LRRC36: variants seen among roughly 807,000 people sequenced by gnomAD.
LRRC36 encodes leucine-rich repeat-containing protein 36.
In LRRC36, 62 loss-of-function variants were observed where a neutral mutation model predicts 81.1. The observed-to-expected ratio is 0.76, with a 90% CI of 0.62 to 0.94. LRRC36 has a LOEUF of 0.94. Among genes scored for constraint, LRRC36 ranks in the 40% least tolerant of loss-of-function variants. LRRC36 has a pLI of 0.00. For missense variants in LRRC36, 761 were observed against 881.7 expected (o/e 0.86, Z 1.73); for synonymous variants, 334 against 348.6 (o/e 0.96, Z 0.47).
chr16:67,353,260 T>C (rs2038740871), intron 5 of LRRC36, among the ~76,000 whole-genome samples: 1 of 152,220 alleles, frequency 6.6e-6, no homozygotes, highest in Non-Finnish European at 1.5e-5. Context: ...CCCATTACCC[T>C]GGCCCAGAAT....
intron 5 of LRRC36, among the ~76,000 whole-genome samples, chr16:67,358,222 C>T (rs1447112755): frequency 1.3e-5 from 2 of 149,266 alleles, no homozygotes; most frequent in East Asian, 3.9e-4. Flanking sequence ...AAAAAACAAC[C>T]AAAAGACTTC....
chr16:67,347,440 A>G, intron 3 of LRRC36, 55 bp from the exon 4 acceptor site: 4 of 1,606,808 alleles, frequency 2.5e-6, no homozygotes, highest in Non-Finnish European at 3.4e-6. Flanking sequence ...ATTAACTACT[A>G]GTTATGTCTA....
intron 1 of LRRC36, among the ~76,000 whole-genome samples, chr16:67,330,998 G>A (rs2037455708): frequency 6.6e-6 from 1 of 151,458 alleles, no homozygotes; most frequent in African/African-American, 2.4e-5. Flanking sequence ...CCAAGAGCAT[G>A]GTGCCAACAT....
At chr16:67,338,736 G>A (rs1273018338) in intron 1 of LRRC36, among the ~76,000 whole-genome samples, 2 of 151,846 alleles carry the variant, frequency 1.3e-5, no homozygotes, top group East Asian at 1.9e-4. Context: ...ATTATATAAT[G>A]TTTAAAAATC....
chr16:67,336,094 T>C (rs982680565), intron 1 of LRRC36, among the ~76,000 whole-genome samples: 3 of 152,240 alleles, frequency 2.0e-5, no homozygotes, highest in Non-Finnish European at 2.9e-5. Flanking sequence ...TCATATAGTA[T>C]GTAACCTTTC....
At chr16:67,375,488 A>C in intron 10 of LRRC36, 76 bp downstream of exon 10, 1 of 1,286,058 alleles carries the variant, frequency 7.8e-7, no homozygotes, top group South Asian at 1.6e-5. Flanking sequence ...AAAGCCACTT[A>C]GCTCTCTTCA....
At chr16:67,372,112 CT>C (rs1183555032) in intron 9 of LRRC36, 3 of 152,010 alleles carry the variant, frequency 2.0e-5, no homozygotes. Flanking sequence ...AATTCCACCA[CT>C]TTGGGAGGCC....
At chr16:67,364,659 T>C (rs1324372135) in intron 6 of LRRC36, among the ~76,000 whole-genome samples, 1 of 152,198 alleles carries the variant, frequency 6.6e-6, no homozygotes, top group Non-Finnish European at 1.5e-5. Flanking sequence ...CAAAGAGTAT[T>C]GCAATCTCCA....
Position 67,345,683 on chromosome 16 carries a change from T to G in LRRC36, c.199-573T>G, listed in dbSNP as rs1236272400. ...TGGTCCAGGAGTGAGGACTTGGAGA[T>G]AGCATTGTTTTGTTTCCCTAAATAG... is the stretch of plus-strand genomic sequence containing the variant. On this transcript the variant is annotated intron_variant, in intron 2 of 13. Coordinates refer to ENST00000329956, the MANE Select transcript of LRRC36 (RefSeq NM_018296.6). Among the ~76,000 whole-genome samples the G allele has an allele frequency of 2.0e-5, 3 of 152,032 alleles. No individual in the cohort carries two copies. In the East Asian group the frequency reaches 5.8e-4, roughly 29 times the overall value.
chr16:67,365,266 T>G, intron 6 of LRRC36, 38 bp from the exon 7 acceptor site: 1 of 1,449,688 alleles, frequency 6.9e-7, no homozygotes, highest in Non-Finnish European at 9.7e-7. Flanking sequence ...TGAACGCGCA[T>G]GGACTTCCTT....
chr16:67,371,712 A>C, intron 9 of LRRC36: 2 of 202,218 alleles, frequency 9.9e-6, no homozygotes, highest in Non-Finnish European at 2.1e-5. Flanking sequence ...CTCTACTGAA[A>C]ATACAAAAAT....
chr16:67,366,837 T>C (rs751195132), intron 7 of LRRC36, among the ~76,000 whole-genome samples, 180 bp from the exon 8 acceptor site: 7 of 152,144 alleles, frequency 4.6e-5, no homozygotes, highest in Non-Finnish European at 5.9e-5. Flanking sequence ...TTGGTGGTGG[T>C]GGTGTTCCAT....
intron 2 of LRRC36, among the ~76,000 whole-genome samples, chr16:67,343,592 G>A (rs903279165): frequency 1.3e-5 from 2 of 151,680 alleles, no homozygotes; most frequent in African/African-American, 4.8e-5. Context: ...CTACTTGGGA[G>A]GCTGAAGGAG....
chr16:67,370,805 T>G, intron 8 of LRRC36, 139 bp from the exon 9 acceptor site: 2 of 680,914 alleles, frequency 2.9e-6, no homozygotes, highest in East Asian at 2.5e-5. Context: ...TTAACCAGAG[T>G]TGGAGTTTTG....
chr16:67,338,431 C>T (rs184751184), intron 1 of LRRC36, among the ~76,000 whole-genome samples: 77 of 152,144 alleles, frequency 5.1e-4, no homozygotes, highest in African/African-American at 1.8e-3. Flanking sequence ...TGGCCTCATA[C>T]AGAAATGTAA....
Position 67,342,052 on chromosome 16 carries a change from G to T in LRRC36, c.166G>T (p.Asp56Tyr). Reference sequence around the variant, plus strand: ...AAATTTTAAAAATCTCCGATCCTTAGATTTATCAAGGAATTTGATCACTAG... The same window carrying T: ...AAATTTTAAAAATCTCCGATCCTTATATTTATCAAGGAATTTGATCACTAG... ...FRNFKNLRSL[D>Y]LSRNLITSLK... The change falls in exon 2 of 14, where the codon GAT becomes TAT. Residue 56 changes from aspartate (D) to tyrosine (Y), a missense_variant. Physicochemically the swap from Asp to Tyr is radical, Grantham distance 160. This residue lies in a region of LRRC36 where 263 missense variants were observed against 279.3 expected (regional missense o/e 0.94). Coordinates refer to ENST00000329956, the MANE Select transcript of LRRC36 (RefSeq NM_018296.6). The T allele has an allele frequency of 6.2e-7, 1 of 1,609,930 alleles. No homozygotes were observed. The highest frequency in any genetic ancestry group is 8.5e-7 in the Non-Finnish European group (1 of 1,177,004).
chr16:67,367,314 C>G lies in LRRC36; in HGVS notation c.1052C>G (p.Pro351Arg). 1 of 1,614,086 alleles carries G rather than the reference C, an allele frequency of 6.2e-7. No individual in the cohort carries two copies. The highest frequency in any genetic ancestry group is 8.5e-7 in the Non-Finnish European group (1 of 1,180,014). Residue 351 changes from proline to arginine, a missense_variant, in exon 8 of 14, where the codon CCT (proline) becomes CGT (arginine). Pro to Arg is a moderately radical substitution (Grantham distance 103). Coordinates refer to ENST00000329956, the MANE Select transcript of LRRC36 (RefSeq NM_018296.6). ...CTGCATGGAAGTCTTGGTAAAAGGC[C>G]TCAGAGAAGCAAGAACTATCAAGAG... ...LSLHGSLGKR[P>R]QRSKNYQEYS...
At chr16:67,378,429 G>A (rs1307443375) in intron 11 of LRRC36, among the ~76,000 whole-genome samples, 160 bp from the exon 12 acceptor site, 7 of 151,694 alleles carry the variant, frequency 4.6e-5, no homozygotes, top group Non-Finnish European at 7.4e-5. Context: ...TAGTAGAGAC[G>A]GGGTTTCACC....
chr16:67,352,625 TATAA>T (rs907142095), intron 5 of LRRC36, among the ~76,000 whole-genome samples: 9 of 151,472 alleles, frequency 5.9e-5, no homozygotes, highest in African/African-American at 1.9e-4. Flanking sequence ...CGGCCTTATT[TATAA>T]ATAAATAAAT....
Sources: gnomAD v4.1 joint callset for allele counts (sites outside exome capture counted in the v4.1 genomes callset) on GRCh38, gnomAD v4.1.1 for gene constraint, gnomAD v4.1.1 regional missense constraint, MANE v1.5 for transcripts, NCBI Gene and HGNC (gene_info 2026-07-23, HGNC 2026-07-21) for gene names.